Variants in TSHZ3 observed in about 807,000 individuals in gnomAD.
TSHZ3 encodes teashirt homolog 3.
TSHZ3 carries 10 observed loss-of-function variants against 64.5 expected under a neutral mutation model. The observed-to-expected ratio is 0.16, with a 90% confidence interval of 0.10 to 0.26. The LOEUF (loss-of-function observed/expected upper bound fraction) is 0.26. Ranked by LOEUF, TSHZ3 falls within the 10% of genes least tolerant of loss-of-function variation. The probability of loss-of-function intolerance (pLI) is 1.00; values close to 1 mark genes in which losing one functional copy is unlikely to be tolerated. For missense variants in TSHZ3, 1,242 were observed against 1,421.7 expected (o/e 0.87, Z 2.03); for synonymous variants, 608 against 593.1 (o/e 1.03, Z -0.36).
intron 1 of TSHZ3, chr19:31,348,954 G>A: frequency 3.9e-6 from 2 of 513,484 alleles, no homozygotes; most frequent in Non-Finnish European, 6.7e-6. Context: ...CTCCGCGAGC[G>A]GCTCCCCAAA....
chr19:31,219,146 A>T (rs151141802), intron 4 of TSHZ3, among the ~76,000 whole-genome samples: 1 of 152,324 alleles, frequency 6.6e-6, no homozygotes, highest in Non-Finnish European at 1.5e-5. Context: ...CACCATACGT[A>T]TAAAATCAGT....
chr19:31,226,876 TC>T (rs1427392086), intron 4 of TSHZ3, among the ~76,000 whole-genome samples: 1 of 152,100 alleles, frequency 6.6e-6, no homozygotes, highest in Non-Finnish European at 1.5e-5. Context: ...GATTTGTCTG[TC>T]CAATCTGTTT....
intron 1 of TSHZ3, among the ~76,000 whole-genome samples, chr19:31,334,403 C>T (rs1225644003): frequency 1.3e-5 from 2 of 152,164 alleles, no homozygotes; most frequent in African/African-American, 2.4e-5. Context: ...ATCTCTGCCC[C>T]CTTTCAAAAG....
intron 1 of TSHZ3, among the ~76,000 whole-genome samples, chr19:31,245,565 G>A (rs1398331182): frequency 6.6e-6 from 1 of 152,202 alleles, no homozygotes; most frequent in Non-Finnish European, 1.5e-5. Context: ...CTTCTGTGTA[G>A]TTAAAACACA....
At chr19:31,251,817 T>C (rs985929940) in intron 1 of TSHZ3, among the ~76,000 whole-genome samples, 2 of 152,208 alleles carry the variant, frequency 1.3e-5, no homozygotes, top group African/African-American at 2.4e-5. Flanking sequence ...GAGCCAGGGC[T>C]GAGAGCAGCA....
intron 4 of TSHZ3, among the ~76,000 whole-genome samples, chr19:31,210,403 G>A (rs1975247530): frequency 6.6e-6 from 1 of 152,198 alleles, no homozygotes; most frequent in Admixed American, 6.5e-5. Flanking sequence ...ACAAGGGCCA[G>A]TGGCAGAGGC....
intron 1 of TSHZ3, among the ~76,000 whole-genome samples, chr19:31,283,544 C>T (rs1022340281): frequency 6.6e-5 from 10 of 152,206 alleles, no homozygotes; most frequent in African/African-American, 1.7e-4. Flanking sequence ...GGCAGGTTGC[C>T]GCACACTGTG....
intron 4 of TSHZ3, among the ~76,000 whole-genome samples, chr19:31,205,685 A>C (rs1327625941): frequency 6.6e-6 from 1 of 151,896 alleles, no homozygotes; most frequent in African/African-American, 2.4e-5. Context: ...TGACTGCCCG[A>C]CCCTCCATCT....
intron 4 of TSHZ3, among the ~76,000 whole-genome samples, chr19:31,218,707 T>C (rs1221070820): frequency 1.3e-5 from 2 of 152,206 alleles, no homozygotes; most frequent in East Asian, 1.9e-4. Flanking sequence ...CTATGGAATA[T>C]TGTTCAGAGC....
At position 31,152,214 on chromosome 19, in the gene TSHZ3, C is replaced by T. The variant is rs538048999; in HGVS notation, n.872-470G>A. On this transcript the variant is annotated intron_variant and non_coding_transcript_variant, in intron 6 of 6. Coordinates refer to the TSHZ3 transcript ENST00000651361. ...GTCTCAGGAATGGGATGGATGGTTC[C>T]ATATTACTGTGTCTTTCCATTCCAA... is the stretch of plus-strand genomic sequence containing the variant. Among the ~76,000 whole-genome samples the T allele has an allele frequency of 2.0e-5, 3 of 151,238 alleles. No homozygotes were observed. In the South Asian group the frequency reaches 6.2e-4, roughly 31 times the overall value.
intron 1 of TSHZ3, among the ~76,000 whole-genome samples, chr19:31,259,439 G>A (rs1568361947): frequency 6.6e-6 from 1 of 152,000 alleles, no homozygotes; most frequent in African/African-American, 2.4e-5. Context: ...TTCAGCCCAC[G>A]ACATGGCCTG....
At chr19:31,200,327 C>A (rs917008130) in intron 5 of TSHZ3, among the ~76,000 whole-genome samples, 4 of 151,816 alleles carry the variant, frequency 2.6e-5, no homozygotes, top group Admixed American at 6.6e-5. Flanking sequence ...CCAATATGTT[C>A]TTGAGTAGGT....
At chr19:31,180,230 TGAATGAATGAATGAATGAAC>T (rs925537013) in intron 5 of TSHZ3, among the ~76,000 whole-genome samples, 6 of 151,684 alleles carry the variant, frequency 4.0e-5, no homozygotes, top group Non-Finnish European at 7.4e-5. Context: ...GATTAGTGAG[TGAATGAATGAATGAATGAAC>T]GAATGAATGA....
intron 1 of TSHZ3, among the ~76,000 whole-genome samples, chr19:31,244,554 A>C (rs1454826592): frequency 6.6e-6 from 1 of 152,256 alleles, no homozygotes; most frequent in African/African-American, 2.4e-5. Context: ...AAAGTATATC[A>C]GTATAAAATT....
chr19:31,196,271 A>G (rs938901332), intron 5 of TSHZ3, among the ~76,000 whole-genome samples: 1 of 151,976 alleles, frequency 6.6e-6, no homozygotes, highest in African/African-American at 2.4e-5. Flanking sequence ...AGTTGTAAAG[A>G]TATATTGCAA....
At chr19:31,307,822 G>C (rs1363715266) in intron 1 of TSHZ3, among the ~76,000 whole-genome samples, 1 of 152,120 alleles carries the variant, frequency 6.6e-6, no homozygotes, top group African/African-American at 2.4e-5. Flanking sequence ...GATTTGGTTT[G>C]TCATTGGGTA....
At chr19:31,299,561 G>A (rs1235178324) in intron 1 of TSHZ3, among the ~76,000 whole-genome samples, 4 of 152,160 alleles carry the variant, frequency 2.6e-5, no homozygotes, top group African/African-American at 7.2e-5. Flanking sequence ...AAGCCTGAAA[G>A]TCCATGAACA....
intron 4 of TSHZ3, among the ~76,000 whole-genome samples, chr19:31,227,756 G>T (rs1363190187): frequency 6.6e-6 from 1 of 152,150 alleles, no homozygotes; most frequent in East Asian, 1.9e-4. Flanking sequence ...ACACAAGCAT[G>T]CCTTGAACTC....
intron 1 of TSHZ3, among the ~76,000 whole-genome samples, chr19:31,260,717 C>T (rs961085928): frequency 6.6e-6 from 1 of 152,136 alleles, no homozygotes; most frequent in Non-Finnish European, 1.5e-5. Context: ...AAGGGTGTGG[C>T]GCTCACTTGG....
Sources: gnomAD v4.1 joint callset for allele counts (sites outside exome capture counted in the v4.1 genomes callset) on GRCh38, gnomAD v4.1.1 for gene constraint, MANE v1.5 for transcripts, NCBI Gene and HGNC (gene_info 2026-07-23, HGNC 2026-07-21) for gene names.